EIPR1: variants seen among roughly 807,000 people sequenced by gnomAD.
EIPR1 encodes EARP and GARP complex-interacting protein 1.
EIPR1 carries 25 observed loss-of-function variants against 48.1 expected under a neutral mutation model. The observed-to-expected ratio is 0.52, with a 90% CI of 0.38 to 0.73. The LOEUF (loss-of-function observed/expected upper bound fraction) is 0.73. Ranked by LOEUF, EIPR1 falls within the 30% of genes least tolerant of loss-of-function variation. The pLI is 0.00. For missense variants in EIPR1, 415 were observed against 506.2 expected (o/e 0.82, Z 1.73); for synonymous variants, 204 against 201.9 (o/e 1.01, Z -0.09).
intron 3 of EIPR1, among the ~76,000 whole-genome samples, chr2:3,271,614 C>T (rs1667703913): frequency 6.6e-6 from 1 of 152,174 alleles, no homozygotes. Flanking sequence ...AGCAGTAGGT[C>T]TCAACAGGGG....
rs150345418 is a variant in EIPR1, at chr2:3,364,127, G to C, written c.43-9494C>G. Among the ~76,000 whole-genome samples, 1,120 of 152,230 alleles carry C rather than the reference G, an allele frequency of 7.4e-3. 25 individuals are homozygous for C. Among genetic ancestry groups the C allele is most frequent in the African/African-American group, 0.026 (1,078 of 41,526 alleles). ...GCGTCTCCTCAAAAAACTAAAAATA[G>C]AGCTACCACATCATCCAGCAATCCC... is the stretch of plus-strand genomic sequence containing the variant. On this transcript the variant is annotated intron_variant, in intron 1 of 8. Coordinates refer to ENST00000382125, the MANE Select transcript of EIPR1 (RefSeq NM_003310.5).
intron 1 of EIPR1, among the ~76,000 whole-genome samples, chr2:3,371,167 A>C (rs980256616): frequency 2.0e-5 from 3 of 152,022 alleles, no homozygotes; most frequent in Non-Finnish European, 4.4e-5. Context: ...GAAATAAAAT[A>C]CTTTACAGAC....
chr2:3,252,149 G>A (rs1174880422), intron 4 of EIPR1, among the ~76,000 whole-genome samples: 6 of 152,204 alleles, frequency 3.9e-5, no homozygotes, highest in Non-Finnish European at 7.3e-5. Flanking sequence ...CGGAGTGTCC[G>A]CCCTGTGCTG....
rs184389955 is a variant in EIPR1 at position 3,311,810 on chromosome 2, G to T, written c.259+26207C>A. The stretch of plus-strand genomic sequence containing the variant: ...GGGCTCCATTCGCGGGGTGCTGGGC[G>T]GGGGGGCTCTACTCTGGGGCACCAG... On this transcript the variant is annotated intron_variant, in intron 3 of 8. Coordinates refer to ENST00000382125, the MANE Select transcript of EIPR1 (RefSeq NM_003310.5). Among the ~76,000 whole-genome samples, 1,478 of 151,838 alleles carry T rather than the reference G, an allele frequency of 9.7e-3. 21 individuals are homozygous for T. Among genetic ancestry groups the T allele is most frequent in the African/African-American group, 0.03 (1,250 of 41,360 alleles).
In EIPR1 at chr2:3,220,799, C is replaced by T. The variant is rs548809282; in HGVS notation, c.417-6551G>A. ...ACATTCACGGTGAGTCCGGAACACA[C>T]GCACACAATGGCCGAGGTGCACACT... is the stretch of plus-strand genomic sequence containing the variant. On this transcript the variant is annotated intron_variant, in intron 4 of 8. Coordinates refer to ENST00000382125, the MANE Select transcript of EIPR1 (RefSeq NM_003310.5). Among the ~76,000 whole-genome samples, 152 of 148,640 alleles carry T rather than the reference C, an allele frequency of 1.0e-3. 1 individual carries two copies. The highest frequency in any genetic ancestry group is 3.5e-3 in the African/African-American group (139 of 40,204).
intron 4 of EIPR1, among the ~76,000 whole-genome samples, chr2:3,252,630 A>T (rs1667036001): frequency 6.6e-6 from 1 of 152,150 alleles, no homozygotes; most frequent in Non-Finnish European, 1.5e-5. Context: ...CAAAATGGCA[A>T]GAAATCACAG....
At chr2:3,248,989 G>C (rs1666924848) in intron 4 of EIPR1, among the ~76,000 whole-genome samples, 1 of 152,120 alleles carries the variant, frequency 6.6e-6, no homozygotes, top group Admixed American at 6.5e-5. Flanking sequence ...AAATTACTCA[G>C]TCTCATGTAT....
chr2:3,372,289 C>T (rs56001575), intron 1 of EIPR1, among the ~76,000 whole-genome samples: 23,531 of 149,634 alleles, frequency 0.16, 2,043 homozygotes, highest in Non-Finnish European at 0.2. Flanking sequence ...AGGAAAGATC[C>T]AAAATTGACA....
At chr2:3,269,255 CGCACTCAGTCATG>C (rs1261651198) in intron 3 of EIPR1, among the ~76,000 whole-genome samples, 1,209 of 97,336 alleles carry the variant, frequency 0.012, 88 homozygotes, top group Middle Eastern at 0.023. Flanking sequence ...ACTCAGTCAT[CGCACTCAGTCATG>C]GCACTCAGTC....
intron 4 of EIPR1, among the ~76,000 whole-genome samples, chr2:3,252,565 T>C (rs1667033772): frequency 1.3e-5 from 2 of 152,146 alleles, no homozygotes; most frequent in Admixed American, 1.3e-4. Context: ...CACTCCAGCC[T>C]GGGTGACAGA....
intron 4 of EIPR1, among the ~76,000 whole-genome samples, chr2:3,216,493 G>A (rs73131474): frequency 0.027 from 2,872 of 107,400 alleles, 85 homozygotes; most frequent in African/African-American, 0.092. Context: ...GATTCCCTTC[G>A]CAACTAACTC....
chr2:3,289,469 G>A (rs771596331), intron 3 of EIPR1, among the ~76,000 whole-genome samples: 4 of 152,086 alleles, frequency 2.6e-5, no homozygotes, highest in Non-Finnish European at 4.4e-5. Context: ...GAGGGACCAC[G>A]GGATCCTGGG....
intron 3 of EIPR1, among the ~76,000 whole-genome samples, chr2:3,287,048 G>A (rs1224309423): frequency 2.7e-5 from 4 of 149,974 alleles, no homozygotes; most frequent in South Asian, 2.1e-4. Flanking sequence ...CAGAGGCGGC[G>A]GTGGGGAGCA....
chr2:3,271,606 C>A (rs1441754313), intron 3 of EIPR1, among the ~76,000 whole-genome samples: 1 of 152,192 alleles, frequency 6.6e-6, no homozygotes, highest in Non-Finnish European at 1.5e-5. Flanking sequence ...TGTCTCTGAG[C>A]AGTAGGTCTC....
intron 3 of EIPR1, among the ~76,000 whole-genome samples, chr2:3,289,344 C>A (rs1299552132): frequency 6.6e-6 from 1 of 152,120 alleles, no homozygotes; most frequent in African/African-American, 2.4e-5. Flanking sequence ...GAGGATGGGG[C>A]GTGTGACCCA....
intron 3 of EIPR1, chr2:3,301,531 T>G (rs1176175344): frequency 1.3e-5 from 2 of 152,226 alleles, no homozygotes; most frequent in Non-Finnish European, 2.9e-5. Flanking sequence ...ATGCTCTTTC[T>G]TCTTCCAAGT....
At chr2:3,336,881 GGAA>G (rs1670066618) in intron 3 of EIPR1, among the ~76,000 whole-genome samples, 1 of 109,592 alleles carries the variant, frequency 9.1e-6, no homozygotes, top group Non-Finnish European at 1.8e-5. Context: ...GGAAGGGAAG[GGAA>G]AAGGGAAGGG....
At chr2:3,219,016 A>G (rs1464629905) in intron 4 of EIPR1, among the ~76,000 whole-genome samples, 12 of 116,090 alleles carry the variant, frequency 1.0e-4, no homozygotes, top group East Asian at 2.7e-4. Context: ...ACTCAACACG[A>G]CCCTGGTATA....
At chr2:3,205,316 G>A (rs1442918211) in intron 5 of EIPR1, among the ~76,000 whole-genome samples, 2 of 152,196 alleles carry the variant, frequency 1.3e-5, no homozygotes, top group African/African-American at 4.8e-5. Context: ...TCTGACAACT[G>A]GACAGAGGCA....
Sources: gnomAD v4.1 joint callset for allele counts (sites outside exome capture counted in the v4.1 genomes callset) on GRCh38, gnomAD v4.1.1 for gene constraint, MANE v1.5 for transcripts, NCBI Gene and HGNC (gene_info 2026-07-23, HGNC 2026-07-21) for gene names.